Variants in ACACA observed in about 807,000 individuals in gnomAD.
ACACA encodes acetyl-CoA carboxylase alpha.
A neutral mutation model predicts 296.1 loss-of-function variants in ACACA; 103 were observed. The ratio of observed to expected loss-of-function variants is 0.35; its 90% CI spans 0.30 to 0.41. The LOEUF is 0.41. Ranked by LOEUF, ACACA falls within the 10% of genes least tolerant of loss-of-function variation. ACACA has a pLI of 1.00. For missense variants in ACACA, 1,554 were observed against 2,989.7 expected, an observed-to-expected ratio of 0.52 and a Z score of 11.20; for synonymous variants, 953 against 1,038.6, an observed-to-expected ratio of 0.92 and a Z score of 1.58.
chr17:37,326,392 G>C (rs952003360), intron 3 of ACACA, among the ~76,000 whole-genome samples: 2 of 151,032 alleles, frequency 1.3e-5, no homozygotes, highest in East Asian at 3.9e-4. Context: ...TCAGCCTGGC[G>C]TGGTGGCGTA....
At chr17:37,230,644 G>A (rs1244357025) in intron 25 of ACACA, among the ~76,000 whole-genome samples, 1 of 152,028 alleles carries the variant, frequency 6.6e-6, no homozygotes, top group Non-Finnish European at 1.5e-5. Context: ...AAAACATCAG[G>A]GTTTTTCAGA....
intron 1 of ACACA, among the ~76,000 whole-genome samples, chr17:37,364,076 T>G (rs749948075): frequency 2.4e-4 from 37 of 151,550 alleles, no homozygotes; most frequent in Non-Finnish European, 5.0e-4. Context: ...TGAGCCGAGA[T>G]CGTGCCACTG....
At chr17:37,334,051 T>C (rs2048002822) in intron 2 of ACACA, among the ~76,000 whole-genome samples, 1 of 151,766 alleles carries the variant, frequency 6.6e-6, no homozygotes, top group African/African-American at 2.4e-5. Context: ...GTATACAATA[T>C]CACTCACACT....
At chr17:37,173,123 A>G (rs2076938665) in intron 41 of ACACA, among the ~76,000 whole-genome samples, 2 of 152,182 alleles carry the variant, frequency 1.3e-5, no homozygotes, top group Admixed American at 6.5e-5. Context: ...AATTTAAAAA[A>G]TCTAATGTTA....
chr17:37,268,758 T>TATAG (rs1555623179), intron 10 of ACACA, among the ~76,000 whole-genome samples: 14 of 146,122 alleles, frequency 9.6e-5, no homozygotes, highest in Non-Finnish European at 1.8e-4. Context: ...TATATATATA[T>TATAG]ATATATATAT....
At chr17:37,274,779 A>C in intron 8 of ACACA, 1 of 440,530 alleles carries the variant, frequency 2.3e-6, no homozygotes, top group Non-Finnish European at 3.0e-6. Flanking sequence ...CATAAGGGGA[A>C]CACTATAGCC....
chr17:37,288,906 C>CA (rs1208153463), intron 3 of ACACA, among the ~76,000 whole-genome samples: 65 of 147,240 alleles, frequency 4.4e-4, no homozygotes, highest in Admixed American at 7.4e-4. Flanking sequence ...CCCGCTCCAC[C>CA]AAAAAAAAAG....
chr17:37,375,894 G>A (rs2049982531), intron 1 of ACACA: 1 of 485,262 alleles, frequency 2.1e-6, no homozygotes, highest in Admixed American at 3.6e-5. Flanking sequence ...TTATTAATAA[G>A]CAGAATTAGC....
At position 37,122,569 on chromosome 17, in the gene ACACA, T is replaced by C; in HGVS notation, c.6100A>G (p.Ile2034Val). 1.2e-6 allele frequency: 2 copies of C among 1,614,224 alleles called. No individual in the cohort carries two copies. Among genetic ancestry groups the C allele is most frequent in the Non-Finnish European group, 1.7e-6 (2 of 1,180,026 alleles). Residue 2034 changes from isoleucine to valine, a missense_variant, in exon 49 of 56, where the codon ATC becomes GTC. By Grantham distance (29) the Ile-to-Val change is conservative (BLOSUM62 3). This residue lies in a region of ACACA where 553 missense variants were observed against 1,043.6 expected (regional missense o/e 0.53). Coordinates refer to ENST00000616317, the MANE Select transcript of ACACA (RefSeq NM_198834.3). Reference sequence around the variant, plus strand: ...TCCAGGTTTGCTGGATCAGCTGGGATACTTAGTTCTACTGTTCGGGTTTCT... The same window carrying C: ...TCCAGGTTTGCTGGATCAGCTGGGACACTTAGTTCTACTGTTCGGGTTTCT... ...AVETRTVELSIPADPANLDSE... is the reference protein window; with the variant it reads ...AVETRTVELSVPADPANLDSE...
intron 41 of ACACA, among the ~76,000 whole-genome samples, chr17:37,175,729 C>T (rs1173970946): frequency 3.9e-5 from 6 of 152,170 alleles, no homozygotes; most frequent in Non-Finnish European, 7.4e-5. Flanking sequence ...CAGATTTAGT[C>T]TACATCTTTT....
In ACACA at chr17:37,085,946, G is replaced by A; in HGVS notation, c.*1370C>T. 2.5e-6 allele frequency: 1 copy of A among 398,148 alleles called. No individual in the cohort carries two copies. Among genetic ancestry groups the A allele is most frequent in the Non-Finnish European group, 4.4e-6 (1 of 226,014 alleles). 24.7% of individuals were successfully genotyped at this position (398,148 alleles called of 1,614,324 possible). On this transcript the variant is annotated 3_prime_UTR_variant, in exon 56 of 56. Coordinates refer to ENST00000616317, the MANE Select transcript of ACACA (RefSeq NM_198834.3). Reference sequence around the variant, plus strand: ...GATGCTACACCAGCCCTGATCACCTGCCACTCTTGCTTTAGGAACAGAGGA... The same window carrying A: ...GATGCTACACCAGCCCTGATCACCTACCACTCTTGCTTTAGGAACAGAGGA...
Position 37,346,043 on chromosome 17 carries a change from A to G in ACACA, c.39-6193T>C, listed in dbSNP as rs143500874. On this transcript the variant is annotated intron_variant, in intron 1 of 55. Transcript: ENST00000616317. ...CAATGAGCTATAATGGAGCCCCTGC[A>G]CTCTGGCCTGGGCGACAGAGAGGGA... is the stretch of plus-strand genomic sequence containing the variant. Among the ~76,000 whole-genome samples the G allele has an allele frequency of 4.1e-4, 63 of 152,222 alleles. 1 individual carries two copies. The South Asian group carries it at 0.012, about 30-fold the overall frequency.
intron 1 of ACACA, chr17:37,379,303 C>T (rs776366004): frequency 6.2e-7 from 1 of 1,613,892 alleles, no homozygotes; most frequent in Non-Finnish European, 8.5e-7. Context: ...CTGCTCCCCG[C>T]AGAAACAGCT....
At position 37,256,831 on chromosome 17, in the gene ACACA, CA is replaced by C. The variant is rs1359022580; in HGVS notation, c.1826+871del. Among the ~76,000 whole-genome samples the C allele has an allele frequency of 3.9e-5, 6 of 151,988 alleles. No homozygotes were observed. In the East Asian group the frequency reaches 1.2e-3, roughly 29 times the overall value. ...TATATTAGGATTAATTACTAATAAA[CA>C]AATGCTATTTATTAGTAATTAATAC... On this transcript the variant is annotated intron_variant, in intron 14 of 55. Coordinates refer to ENST00000616317, the MANE Select transcript of ACACA (RefSeq NM_198834.3).
intron 1 of ACACA, among the ~76,000 whole-genome samples, chr17:37,380,037 A>G (rs2050178416): frequency 6.6e-6 from 1 of 151,534 alleles, no homozygotes; most frequent in Non-Finnish European, 1.5e-5. Context: ...AATGTCCAAT[A>G]ATGATAGACT....
intron 3 of ACACA, among the ~76,000 whole-genome samples, chr17:37,312,941 A>G (rs1567980619): frequency 6.6e-6 from 1 of 152,230 alleles, no homozygotes; most frequent in Non-Finnish European, 1.5e-5. Context: ...TTAGTGGGTC[A>G]TGATACATTT....
intron 5 of ACACA, among the ~76,000 whole-genome samples, chr17:37,281,809 T>C (rs553851034): frequency 1.3e-5 from 2 of 152,290 alleles, no homozygotes; most frequent in African/African-American, 2.4e-5. Flanking sequence ...GAGGTTGCAG[T>C]GAGCTGAGTT....
chr17:37,343,551 G>A (rs2048479952), intron 1 of ACACA, among the ~76,000 whole-genome samples: 1 of 151,820 alleles, frequency 6.6e-6, no homozygotes, highest in Non-Finnish European at 1.5e-5. Flanking sequence ...TGGATCACGA[G>A]GTCAGGAGTT....
chr17:37,156,770 C>T (rs928375817), intron 42 of ACACA, among the ~76,000 whole-genome samples: 11 of 152,266 alleles, frequency 7.2e-5, no homozygotes, highest in African/African-American at 2.6e-4. Context: ...AATAAGTAAA[C>T]ACAGGGAAGC....
Sources: allele counts gnomAD v4.1 joint callset (sites outside exome capture counted in the v4.1 genomes callset), GRCh38; gene constraint gnomAD v4.1.1; regional missense constraint gnomAD v4.1.1; transcripts MANE v1.5; gene names NCBI Gene and HGNC (gene_info 2026-07-23, HGNC 2026-07-21).